Variants in MTMR3 observed in about 807,000 individuals in gnomAD.
MTMR3 encodes the protein phosphatidylinositol-3,5-bisphosphate 3-phosphatase MTMR3.
In MTMR3, 32 loss-of-function variants were observed where a neutral mutation model predicts 132.4. The ratio of observed to expected loss-of-function variants is 0.24; its 90% confidence interval spans 0.18 to 0.32. The LOEUF (loss-of-function observed/expected upper bound fraction) is 0.32. MTMR3 is among the 10% of genes least tolerant of loss of function. The probability of loss-of-function intolerance (pLI) is 1.00; values close to 1 mark genes in which losing one functional copy is unlikely to be tolerated. For synonymous variants in MTMR3, 556 were observed against 550.3 expected (o/e 1.01, Z -0.14); for missense variants, 1,216 against 1,489.6 (o/e 0.82, Z 3.02).
chr22:30,027,554 T>TTGTGCATTTCCTA lies in MTMR3; in HGVS notation c.*1754_*1766dup, dbSNP rs2067935251. ...GGGAAAAAGTTGGTCTAATTGAAGATTGTGCATTTCCTAGTGACAGGTGCC... is the reference window on the plus strand; with the variant it reads ...GGGAAAAAGTTGGTCTAATTGAAGATTGTGCATTTCCTATGTGCATTTCCTAGTGACAGGTGCC... On this transcript the variant is annotated 3_prime_UTR_variant, in exon 20 of 20. Transcript: ENST00000401950. 1 of 152,772 alleles carries TTGTGCATTTCCTA rather than the reference T, an allele frequency of 6.5e-6. No homozygotes were observed. Among genetic ancestry groups the TTGTGCATTTCCTA allele is most frequent in the African/African-American group, 2.4e-5 (1 of 41,446 alleles). The allele number at this position is 152,772 out of a possible 1,614,324, so 9.5% of individuals were successfully genotyped here. A position where few individuals can be genotyped will look rare whatever the true frequency, so the allele number is the denominator to read the frequency against.
intron 1 of MTMR3, among the ~76,000 whole-genome samples, chr22:29,954,059 C>CTTTTTTTTTTTTTTTTTTTTTTTTT (rs59781649): frequency 3.8e-5 from 3 of 79,426 alleles, no homozygotes; most frequent in Non-Finnish European, 6.6e-5. Flanking sequence ...TCAAATGAGT[C>CTTTTTTTTTTTTTTTTTTTTTTTTT]TTTTTTTTTT....
rs2145966917 is a variant in MTMR3 at position 30,017,769 on chromosome 22, C to T, written c.1675-158C>T. 7 of 844,734 alleles carry T rather than the reference C, an allele frequency of 8.3e-6. No individual in the cohort carries two copies. The South Asian group carries it at 1.0e-4, about 13-fold the overall frequency. 52.3% of individuals were successfully genotyped at this position (844,734 alleles called of 1,614,324 possible). A position where few individuals can be genotyped will look rare whatever the true frequency, so the allele number is the denominator to read the frequency against. Reference sequence around the variant, plus strand: ...AAATGTCTAGTCCTGTATTGGTCCTCTTGGGATAGACCTGTATCCATTGGT... The same window carrying T: ...AAATGTCTAGTCCTGTATTGGTCCTTTTGGGATAGACCTGTATCCATTGGT... On this transcript the variant is annotated intron_variant, in intron 15 of 19. Coordinates refer to ENST00000401950, the MANE Select transcript of MTMR3 (RefSeq NM_021090.4).
chr22:29,898,140 T>A (rs1911869244), intron 1 of MTMR3, among the ~76,000 whole-genome samples: 1 of 152,168 alleles, frequency 6.6e-6, no homozygotes, highest in South Asian at 2.1e-4. Context: ...TGCACTTGCC[T>A]TACTTCATTA....
At chr22:29,895,994 T>A (rs1202659382) in intron 1 of MTMR3, among the ~76,000 whole-genome samples, 1 of 152,188 alleles carries the variant, frequency 6.6e-6, no homozygotes, top group Non-Finnish European at 1.5e-5. Context: ...GGTCAGCTCA[T>A]GAGGCACCCA....
At chr22:29,990,789 G>C (rs1273399745) in intron 6 of MTMR3, 1 of 152,150 alleles carries the variant, frequency 6.6e-6, no homozygotes, top group Non-Finnish European at 1.5e-5. Flanking sequence ...TTGCCATGTT[G>C]GCCAGGCTGG....
chr22:30,019,235 G>T, intron 16 of MTMR3: 1 of 423,502 alleles, frequency 2.4e-6, no homozygotes, highest in South Asian at 5.0e-5. Context: ...AGCACTTGCT[G>T]TTAGCTCATT....
At chr22:29,890,252 C>T (rs1263394681) in intron 1 of MTMR3, among the ~76,000 whole-genome samples, 1 of 151,876 alleles carries the variant, frequency 6.6e-6, no homozygotes, top group East Asian at 2.0e-4. Context: ...CGTGGTGGCT[C>T]ATGCATGTAA....
chr22:29,937,971 G>A (rs1602514354), intron 1 of MTMR3, among the ~76,000 whole-genome samples: 2 of 152,232 alleles, frequency 1.3e-5, no homozygotes, highest in East Asian at 3.9e-4. Flanking sequence ...TACATGACTA[G>A]CATAAAGGAA....
intron 2 of MTMR3, among the ~76,000 whole-genome samples, chr22:29,964,230 G>A (rs951372060): frequency 2.6e-5 from 4 of 152,102 alleles, no homozygotes; most frequent in Admixed American, 2.6e-4. Flanking sequence ...TGTACTGTTG[G>A]TATAACTACC....
At chr22:30,016,862 G>C in intron 15 of MTMR3, 164 bp downstream of exon 15, 1 of 767,208 alleles carries the variant, frequency 1.3e-6, no homozygotes, top group South Asian at 1.9e-5. Context: ...AGGAAGGCCT[G>C]CTTCTGATGG....
intron 1 of MTMR3, among the ~76,000 whole-genome samples, chr22:29,925,429 T>C (rs1024320524): frequency 6.6e-6 from 1 of 152,144 alleles, no homozygotes; most frequent in African/African-American, 2.4e-5. Flanking sequence ...TGGAGATAAG[T>C]TGATTTTAAA....
At chr22:29,968,894 A>C (rs979254147) in intron 2 of MTMR3, among the ~76,000 whole-genome samples, 1 of 152,218 alleles carries the variant, frequency 6.6e-6, no homozygotes, top group Non-Finnish European at 1.5e-5. Context: ...GATGACTCCA[A>C]CTTGGTCTGT....
At chr22:29,978,819 G>A (rs186355284) in intron 4 of MTMR3, 117 bp from the exon 5 acceptor site, 69 of 777,202 alleles carry the variant, frequency 8.9e-5, no homozygotes, top group Non-Finnish European at 1.1e-5. Flanking sequence ...ATCTACTTAT[G>A]TGCTGTGTTT....
At chr22:29,902,529 G>A (rs983985459) in intron 1 of MTMR3, among the ~76,000 whole-genome samples, 2 of 151,682 alleles carry the variant, frequency 1.3e-5, no homozygotes, top group African/African-American at 2.4e-5. Flanking sequence ...ACCACGCCTG[G>A]CTAATTTTTT....
intron 2 of MTMR3, among the ~76,000 whole-genome samples, chr22:29,969,218 C>T (rs918422242): frequency 4.6e-5 from 7 of 152,156 alleles, no homozygotes; most frequent in South Asian, 2.1e-4. Context: ...CTGCATGGCA[C>T]GAGAAGAATA....
intron 1 of MTMR3, among the ~76,000 whole-genome samples, chr22:29,935,093 A>G (rs1767648308): frequency 6.6e-6 from 1 of 152,240 alleles, no homozygotes; most frequent in Non-Finnish European, 1.5e-5. Context: ...TTTAAGTTGT[A>G]CATTAGTTTG....
rs1385340650 is a variant in MTMR3 at position 29,926,052 on chromosome 22, C to CCA, written c.-137-30982_-137-30981dup. Among the ~76,000 whole-genome samples the CCA allele has an allele frequency of 6.6e-5, 10 of 152,244 alleles. No homozygotes were observed. The East Asian group carries it at 1.5e-3, about 23-fold the overall frequency. On this transcript the variant is annotated intron_variant, in intron 1 of 19. Coordinates refer to ENST00000401950, the MANE Select transcript of MTMR3 (RefSeq NM_021090.4). ...GCCCTGTAGCAGTTATTCCACTTTC[C>CCA]CACTCCTCTTTAGACCTTCGCAACT...
chr22:30,018,213 A>T (rs769678009), intron 16 of MTMR3, 141 bp downstream of exon 16: 9 of 928,110 alleles, frequency 9.7e-6, no homozygotes, highest in Non-Finnish European at 1.4e-5. Flanking sequence ...TTTTCAGGGA[A>T]GTTATAGGGA....
chr22:29,993,951 T>C (rs1448638988), intron 7 of MTMR3: 1 of 202,658 alleles, frequency 4.9e-6, no homozygotes, highest in Non-Finnish European at 8.7e-6. Flanking sequence ...TATTCTACGA[T>C]TTAGTTGAAA....
Sources: allele counts gnomAD v4.1 joint callset (sites outside exome capture counted in the v4.1 genomes callset), GRCh38; gene constraint gnomAD v4.1.1; transcripts MANE v1.5; gene names NCBI Gene and HGNC (gene_info 2026-07-23, HGNC 2026-07-21).